The following SOX5 variants were observed in gnomAD, a reference collection of about 807,000 sequenced individuals.
SOX5 encodes the protein SRY-box transcription factor 5.
A neutral mutation model predicts 92.0 loss-of-function variants in SOX5; 9 were observed. That is an observed-to-expected ratio of 0.10 (90% CI 0.06 to 0.17). The LOEUF is 0.17. SOX5 is among the 10% of genes least tolerant of loss of function. The pLI is 1.00. For missense variants in SOX5, 642 were observed against 944.5 expected, an observed-to-expected ratio of 0.68 and a Z score of 4.20; for synonymous variants, 344 against 336.3, an observed-to-expected ratio of 1.02 and a Z score of -0.25.
intron 3 of SOX5, among the ~76,000 whole-genome samples, chr12:23,829,288 A>G (rs1008490302): frequency 1.3e-5 from 2 of 152,178 alleles, no homozygotes; most frequent in Non-Finnish European, 2.9e-5. Flanking sequence ...TAACTGAGTG[A>G]AAAACACACA....
chr12:23,860,034 C>T (rs1392369399), intron 2 of SOX5, among the ~76,000 whole-genome samples: 1 of 152,006 alleles, frequency 6.6e-6, no homozygotes, highest in Non-Finnish European at 1.5e-5. Context: ...TGTTAGCAAA[C>T]TAAAGCAGAA....
intron 2 of SOX5, among the ~76,000 whole-genome samples, chr12:23,877,817 A>C (rs1365341271): frequency 6.6e-6 from 1 of 152,076 alleles, no homozygotes; most frequent in East Asian, 1.9e-4. Flanking sequence ...ATAATAATTT[A>C]TCATATTTCC....
intron 4 of SOX5, among the ~76,000 whole-genome samples, chr12:24,081,070 A>C (rs529006957): frequency 1.3e-5 from 2 of 152,096 alleles, no homozygotes; most frequent in African/African-American, 4.8e-5. Flanking sequence ...AAATCCAATG[A>C]TGATATCAAG....
chr12:24,404,488 G>T (rs142618468), intron 1 of SOX5, among the ~76,000 whole-genome samples: 265 of 152,252 alleles, frequency 1.7e-3, no homozygotes, highest in Non-Finnish European at 3.0e-3. Context: ...TCCCCTTTGT[G>T]CAAGGCTTGC....
chr12:24,339,970 G>A (rs1952387496), intron 2 of SOX5, among the ~76,000 whole-genome samples: 1 of 152,204 alleles, frequency 6.6e-6, no homozygotes, highest in African/African-American at 2.4e-5. Context: ...AGGGCATGGG[G>A]CAGGGTGCTA....
At chr12:23,678,691 C>A (rs73279984) in intron 6 of SOX5, among the ~76,000 whole-genome samples, 1 of 152,026 alleles carries the variant, frequency 6.6e-6, no homozygotes, top group African/African-American at 2.4e-5. Context: ...TTGAAACTCA[C>A]AAAAACCCTA....
At chr12:23,713,997 C>T (rs2092291410) in intron 6 of SOX5, among the ~76,000 whole-genome samples, 1 of 149,926 alleles carries the variant, frequency 6.7e-6, no homozygotes, top group Admixed American at 6.7e-5. Flanking sequence ...AAAGCTGAGG[C>T]AGGATAATTG....
chr12:23,674,432 G>C (rs1413032981), intron 6 of SOX5, among the ~76,000 whole-genome samples: 4 of 139,578 alleles, frequency 2.9e-5, no homozygotes, highest in Middle Eastern at 4.0e-3. Flanking sequence ...CCGCCTCCCG[G>C]GTTCAAGCAA....
At chr12:24,198,005 G>A (rs953386796) in intron 4 of SOX5, among the ~76,000 whole-genome samples, 3 of 152,068 alleles carry the variant, frequency 2.0e-5, no homozygotes, top group African/African-American at 7.2e-5. Context: ...CCATCTCAAA[G>A]GGCTGCACTG....
At chr12:24,292,171 T>G (rs1259551996) in intron 2 of SOX5, among the ~76,000 whole-genome samples, 5 of 152,164 alleles carry the variant, frequency 3.3e-5, no homozygotes, top group Non-Finnish European at 7.4e-5. Context: ...GAACCAGAAA[T>G]GATCAATAGT....
At chr12:24,481,762 C>T (rs994214081) in intron 1 of SOX5, among the ~76,000 whole-genome samples, 2 of 152,118 alleles carry the variant, frequency 1.3e-5, no homozygotes, top group African/African-American at 4.8e-5. Context: ...GGTGGTCTGG[C>T]ACTGGAGCCC....
In SOX5 at chr12:23,704,505, G is replaced by A. The variant is rs116586341; in HGVS notation, c.810+30179C>T. Among the ~76,000 whole-genome samples the A allele has an allele frequency of 4.9e-3, 739 of 151,244 alleles. 4 individuals are homozygous for A. Among genetic ancestry groups the A allele is most frequent in the African/African-American group, 0.017 (706 of 41,326 alleles). On this transcript the variant is annotated intron_variant, in intron 6 of 14. Transcript: ENST00000451604. ...GTAGAATATTTCTTTCTACTACCTTGTATGACTCTACAAACAATAAGGTGA... is the reference window on the plus strand; with the variant it reads ...GTAGAATATTTCTTTCTACTACCTTATATGACTCTACAAACAATAAGGTGA...
intron 4 of SOX5, among the ~76,000 whole-genome samples, chr12:24,055,770 T>G (rs1244961233): frequency 1.3e-5 from 2 of 152,194 alleles, no homozygotes; most frequent in Non-Finnish European, 2.9e-5. Flanking sequence ...AATGACATTT[T>G]AAACAATGAA....
At chr12:24,494,468 G>T (rs999716982) in intron 1 of SOX5, among the ~76,000 whole-genome samples, 11 of 152,182 alleles carry the variant, frequency 7.2e-5, no homozygotes, top group African/African-American at 9.7e-5. Context: ...GAAACAGATA[G>T]CATAGTTTAT....
At chr12:24,451,819 T>C (rs565800021) in intron 1 of SOX5, among the ~76,000 whole-genome samples, 3 of 152,302 alleles carry the variant, frequency 2.0e-5, no homozygotes, top group East Asian at 1.9e-4. Flanking sequence ...GTATAAACAT[T>C]GAATAAGAAT....
At chr12:24,075,431 C>T (rs1592922223) in intron 4 of SOX5, among the ~76,000 whole-genome samples, 1 of 151,936 alleles carries the variant, frequency 6.6e-6, no homozygotes, top group Admixed American at 6.6e-5. Flanking sequence ...TATAAGAAAT[C>T]CTATTCTTAT....
chr12:23,992,283 C>T (rs1366153314), intron 4 of SOX5, among the ~76,000 whole-genome samples: 1 of 152,038 alleles, frequency 6.6e-6, no homozygotes, highest in South Asian at 2.1e-4. Context: ...TCCTTATTTT[C>T]CTCAGGTAGA....
intron 2 of SOX5, among the ~76,000 whole-genome samples, chr12:24,285,563 C>A (rs1358388405): frequency 6.6e-6 from 1 of 152,192 alleles, no homozygotes; most frequent in Non-Finnish European, 1.5e-5. Context: ...CAGTGCCTAA[C>A]ATCATGGAAA....
intron 2 of SOX5, among the ~76,000 whole-genome samples, chr12:23,865,752 G>T (rs965410002): frequency 2.0e-5 from 3 of 152,208 alleles, no homozygotes; most frequent in Admixed American, 6.5e-5. Flanking sequence ...TCTTGGCAAA[G>T]TAAATTTAAA....
Sources: allele counts gnomAD v4.1 joint callset (sites outside exome capture counted in the v4.1 genomes callset), GRCh38; gene constraint gnomAD v4.1.1; transcripts MANE v1.5; gene names NCBI Gene and HGNC (gene_info 2026-07-23, HGNC 2026-07-21).